Variants in RPL26L1 observed in about 807,000 individuals in gnomAD.
The protein encoded by RPL26L1 is ribosomal protein uL24-like.
Under a neutral mutation model 15.2 loss-of-function variants are expected in RPL26L1, and 8 were observed. The ratio of observed to expected loss-of-function variants is 0.53; its 90% CI spans 0.31 to 0.95. The LOEUF is 0.95. RPL26L1 is among the 40% of genes least tolerant of loss of function. The probability of loss-of-function intolerance (pLI) is 0.05; values close to 1 mark genes in which losing one functional copy is unlikely to be tolerated. For synonymous variants in RPL26L1, 51 were observed against 65.9 expected, an observed-to-expected ratio of 0.77 and a Z score of 1.09; for missense variants, 146 against 190.9, an observed-to-expected ratio of 0.76 and a Z score of 1.39.
At chr5:172,956,790 T>TAGAAA (rs1378953578), upstream of RPL26L1, among the ~76,000 whole-genome samples, 2 of 151,742 alleles carry the variant, frequency 1.3e-5, no homozygotes, top group Non-Finnish European at 2.9e-5. Context: ...ATACAAAAAT[T>TAGAAA]AGCCAGGCGT....
At chr5:172,960,563 A>G (rs1442414944) in intron 2 of RPL26L1, among the ~76,000 whole-genome samples, 1 of 151,318 alleles carries the variant, frequency 6.6e-6, no homozygotes, top group African/African-American at 2.4e-5. Context: ...ATGGACAGAG[A>G]TTTGTGGGAG....
At chr5:172,967,822 T>C (rs1332008370) in intron 2 of RPL26L1, among the ~76,000 whole-genome samples, 1 of 149,988 alleles carries the variant, frequency 6.7e-6, no homozygotes, top group Non-Finnish European at 1.5e-5. Context: ...TAAGTACATA[T>C]ATGTATGTAT....
chr5:172,962,369 G>T (rs1396776806), intron 2 of RPL26L1, among the ~76,000 whole-genome samples: 1 of 152,080 alleles, frequency 6.6e-6, no homozygotes, highest in Admixed American at 6.6e-5. Context: ...TTAGCCAGGC[G>T]TGGTGGTGCA....
chr5:172,958,382 C>G (rs1269917590), upstream of RPL26L1: 1 of 456,128 alleles, frequency 2.2e-6, no homozygotes, highest in South Asian at 1.5e-5. Flanking sequence ...CTGGGTGTGG[C>G]TGCTGTACTT....
intron 1 of RPL26L1, 38 bp from the exon 2 acceptor site, chr5:172,959,827 G>A: frequency 6.2e-7 from 1 of 1,605,682 alleles, no homozygotes; most frequent in Non-Finnish European, 8.5e-7. Context: ...GTAACCCACT[G>A]AGCGCCCCTT....
At chr5:172,956,164 A>C (rs1038641804), upstream of RPL26L1, 5 of 152,240 alleles carry the variant, frequency 3.3e-5, no homozygotes, top group Non-Finnish European at 7.3e-5. Context: ...AATACTAAAA[A>C]AAGTAAAAGG....
intron 2 of RPL26L1, among the ~76,000 whole-genome samples, chr5:172,964,376 C>T (rs1168700453): frequency 6.7e-6 from 1 of 149,932 alleles, no homozygotes; most frequent in Non-Finnish European, 1.5e-5. Flanking sequence ...ACCTCTGCCT[C>T]CCGGGTTCAA....
In RPL26L1 at chr5:172,959,854, G is replaced by T. The variant is rs1348034101; in HGVS notation, c.-9-11G>T. 7 of 1,613,584 alleles carry T rather than the reference G, an allele frequency of 4.3e-6. No individual in the cohort carries two copies. Among genetic ancestry groups the T allele is most frequent in the African/African-American group, 1.3e-5 (1 of 74,864 alleles). ...GCGCCCCTTCATTCCGTCTCTCTCCGCCCTTTGTAGAGGGTCACCATGAAG... is the reference window on the plus strand; with the variant it reads ...GCGCCCCTTCATTCCGTCTCTCTCCTCCCTTTGTAGAGGGTCACCATGAAG... On this transcript the variant is annotated splice_polypyrimidine_tract_variant and intron_variant, in intron 1 of 3. Transcript: ENST00000265100.
At chr5:172,955,229 A>C, upstream of RPL26L1, 1 of 339,216 alleles carries the variant, frequency 2.9e-6, no homozygotes, top group South Asian at 2.3e-5. Context: ...CCCAGATTCA[A>C]GCAGTTCTCC....
rs540042321 is a variant in RPL26L1 at position 172,959,756 on chromosome 5, A to G, written c.-9-109A>G. On this transcript the variant is annotated intron_variant, in intron 1 of 3. Coordinates refer to ENST00000265100, the MANE Select transcript of RPL26L1 (RefSeq NM_016093.4). ...TCCCTCAGTTGCCTTTTCAGAGGCT[A>G]CCTCCCCTGTAGAGCCTTTGTTGGG... The G allele has an allele frequency of 8.9e-5, 116 of 1,301,804 alleles. 2 individuals carry two copies. The African/African-American group carries it at 1.3e-3, about 15-fold the overall frequency. 80.6% of individuals were successfully genotyped at this position (1,301,804 alleles called of 1,614,324 possible).
intron 2 of RPL26L1, among the ~76,000 whole-genome samples, chr5:172,965,860 A>G (rs187517961): frequency 1.3e-5 from 2 of 152,206 alleles, no homozygotes; most frequent in African/African-American, 4.8e-5. Flanking sequence ...GCTGTGTCTG[A>G]ATTCTCTGTT....
chr5:172,958,810 G>T, upstream of RPL26L1: 1 of 195,484 alleles, frequency 5.1e-6, no homozygotes, highest in Non-Finnish European at 1.1e-5. Context: ...AGGTGGGCGC[G>T]GAGCGGCCGG....
At chr5:172,957,147 G>C (rs912926844), upstream of RPL26L1, 4 of 455,376 alleles carry the variant, frequency 8.8e-6, no homozygotes, top group African/African-American at 2.0e-5. Context: ...GAAATAAAAA[G>C]ACTCACCAGA....
upstream of RPL26L1, chr5:172,957,890 G>C (rs1195897336): frequency 5.6e-6 from 1 of 177,418 alleles, no homozygotes. Flanking sequence ...CTGCTGTGCT[G>C]TCCAGGCTTC....
Position 172,959,457 on chromosome 5 carries a change from G to C in RPL26L1, c.-21G>C. 2.0e-6 allele frequency: 2 copies of C among 1,015,344 alleles called. No individual in the cohort carries two copies. Among genetic ancestry groups the C allele is most frequent in the South Asian group, 3.8e-5 (1 of 26,492 alleles). 62.9% of individuals were successfully genotyped at this position (1,015,344 alleles called of 1,614,324 possible). ...CCCTGCGCACTCAGGGTCTGAGGCAGCTAGTAGCCGGGTGAGTGGAGGCTG... is the reference window on the plus strand; with the variant it reads ...CCCTGCGCACTCAGGGTCTGAGGCACCTAGTAGCCGGGTGAGTGGAGGCTG... On this transcript the variant is annotated 5_prime_UTR_variant, in exon 1 of 4. Transcript: ENST00000265100.
chr5:172,968,446 T>C lies in RPL26L1; in HGVS notation c.169-13T>C. On this transcript the variant is annotated splice_polypyrimidine_tract_variant and intron_variant, in intron 2 of 3. Transcript: ENST00000265100. The stretch of plus-strand genomic sequence containing the variant: ...ACAAATGGAGGGGGATTCTCTTTTG[T>C]ATTTTCTCTTAGGTAGTTCGAGGAC... 1 of 1,612,834 alleles carries C rather than the reference T, an allele frequency of 6.2e-7. No homozygotes were observed. The highest frequency in any genetic ancestry group is 8.5e-7 in the Non-Finnish European group (1 of 1,179,550).
rs749879454 is a variant in RPL26L1 at position 172,969,416 on chromosome 5, G to T, written c.313G>T (p.Val105Phe). ...VHVGIHPSKV[V>F]ITRLKLDKDR... ...CCTGTTTTCTCACTCCCAACAGGTG[G>T]TTATCACCAGGCTAAAACTGGACAA... The change falls in exon 4 of 4, where the codon GTT (valine) becomes TTT (phenylalanine). Residue 105 changes from valine (V) to phenylalanine (F), a missense_variant. Physicochemically the swap from Val to Phe is conservative, Grantham distance 50. Transcript: ENST00000265100. 24 of 1,613,394 alleles carry T rather than the reference G, an allele frequency of 1.5e-5. 1 individual carries two copies. Among genetic ancestry groups the T allele is most frequent in the Middle Eastern group, 3.3e-4 (2 of 6,076 alleles).
Position 172,959,903 on chromosome 5 carries a change from C to G in RPL26L1, c.30C>G (p.Asp10Glu). The change falls in exon 2 of 4, where the codon GAC becomes GAG. Residue 10 changes from aspartate (D) to glutamate (E), a missense_variant. Transcript: ENST00000265100. MKFNPFVTS[D>E]RSKNRKRHFN... is the part of the protein sequence containing the mutation. ...AGTTCAATCCCTTCGTTACCTCGGA[C>G]CGCAGTAAAAACCGCAAACGTCACT... The G allele has an allele frequency of 6.2e-7, 1 of 1,614,200 alleles. No homozygotes were observed. Among genetic ancestry groups the G allele is most frequent in the South Asian group, 1.1e-5 (1 of 91,082 alleles).
At chr5:172,967,108 C>G (rs1755487715) in intron 2 of RPL26L1, among the ~76,000 whole-genome samples, 1 of 151,388 alleles carries the variant, frequency 6.6e-6, no homozygotes, top group South Asian at 2.1e-4. Flanking sequence ...CCGGCTTTGG[C>G]CTCCCAAAGT....
Sources: gnomAD v4.1 joint callset for allele counts (sites outside exome capture counted in the v4.1 genomes callset) on GRCh38, gnomAD v4.1.1 for gene constraint, MANE v1.5 for transcripts, NCBI Gene and HGNC (gene_info 2026-07-23, HGNC 2026-07-21) for gene names.